PPP6R3: variants seen among roughly 807,000 people sequenced by gnomAD.
The protein encoded by PPP6R3 is protein phosphatase 6 regulatory subunit 3.
PPP6R3 carries 38 observed loss-of-function variants against 110.7 expected under a neutral mutation model. The ratio of observed to expected loss-of-function variants is 0.34; its 90% CI spans 0.26 to 0.45. The LOEUF is 0.45. Ranked by LOEUF, PPP6R3 falls within the 20% of genes least tolerant of loss-of-function variation. PPP6R3 has a pLI of 1.00. For synonymous variants in PPP6R3, 369 were observed against 373.5 expected (o/e 0.99, Z 0.14); for missense variants, 870 against 1,062.4 (o/e 0.82, Z 2.52).
intron 1 of PPP6R3, among the ~76,000 whole-genome samples, chr11:68,506,954 C>T (rs1396971103): frequency 6.6e-6 from 1 of 152,172 alleles, no homozygotes; most frequent in Non-Finnish European, 1.5e-5. Flanking sequence ...TGCTGTGCGT[C>T]CCTGCCCACT....
chr11:68,595,610 C>T (rs777591748), intron 18 of PPP6R3, among the ~76,000 whole-genome samples: 28 of 152,114 alleles, frequency 1.8e-4, no homozygotes, highest in Non-Finnish European at 3.1e-4. Flanking sequence ...ACAAACCATG[C>T]ACTGGGAGAA....
intron 6 of PPP6R3, among the ~76,000 whole-genome samples, chr11:68,553,743 A>G (rs1177729140): frequency 1.3e-5 from 2 of 152,066 alleles, no homozygotes; most frequent in South Asian, 4.1e-4. Context: ...ATTTTGGAAT[A>G]CCTGTATTTG....
intron 10 of PPP6R3, among the ~76,000 whole-genome samples, chr11:68,568,841 T>C (rs1050491058): frequency 6.6e-6 from 1 of 151,916 alleles, no homozygotes; most frequent in African/African-American, 2.4e-5. Context: ...CTTGGCTCAC[T>C]GCAAGCTCCG....
At chr11:68,550,232 C>T (rs994644718) in intron 5 of PPP6R3, among the ~76,000 whole-genome samples, 5 of 152,130 alleles carry the variant, frequency 3.3e-5, no homozygotes, top group African/African-American at 1.2e-4. Flanking sequence ...TGGTGCCTAC[C>T]TAATAGCTTC....
At position 68,603,397 on chromosome 11, in the gene PPP6R3, T is replaced by TACA. The variant is rs2099637901; in HGVS notation, c.2356_2358dup (p.Thr786dup). On this transcript the variant is annotated inframe_insertion, in exon 22 of 24. Transcript: ENST00000393800. ...CTGACGGAGAGGAGGATGCAGAAAG[T>TACA]ACAGACAAGGTAACTGAGACAGTGA... 6.2e-7 allele frequency: 1 copy of TACA among 1,613,758 alleles called. No individual in the cohort carries two copies. Among genetic ancestry groups the TACA allele is most frequent in the African/African-American group, 1.3e-5 (1 of 74,844 alleles).
chr11:68,541,055 T>A (rs984169384), intron 3 of PPP6R3, among the ~76,000 whole-genome samples: 17 of 152,190 alleles, frequency 1.1e-4, no homozygotes, highest in Non-Finnish European at 2.4e-4. Context: ...GGGTATTGAT[T>A]TGGGGAGGTG....
chr11:68,543,760 C>G (rs1006985604), intron 3 of PPP6R3, among the ~76,000 whole-genome samples: 1 of 152,182 alleles, frequency 6.6e-6, no homozygotes, highest in Non-Finnish European at 1.5e-5. Flanking sequence ...AGTGTAAGAG[C>G]AGAGTAATTC....
In PPP6R3 at chr11:68,461,676, C is replaced by T. The variant is rs561617534; in HGVS notation, c.-158+849C>T. On this transcript the variant is annotated intron_variant, in intron 1 of 23. Coordinates refer to ENST00000393800, the MANE Select transcript of PPP6R3 (RefSeq NM_001164161.2). ...TACCTCCGTGCCCTGACGTTTCAAC[C>T]GCGTGACTTAATGTCATTTTCCTGG... 1.2e-4 allele frequency among the ~76,000 whole-genome samples: 18 copies of T among 152,128 alleles called. No homozygotes were observed. The South Asian group carries it at 3.7e-3, about 32-fold the overall frequency.
chr11:68,483,804 T>C (rs1265253859), intron 1 of PPP6R3, among the ~76,000 whole-genome samples: 2 of 152,162 alleles, frequency 1.3e-5, no homozygotes, highest in Admixed American at 6.6e-5. Flanking sequence ...TTTTGAAAAA[T>C]GTATAAGGAC....
intron 7 of PPP6R3, 55 bp from the exon 8 acceptor site, chr11:68,558,511 A>G: frequency 4.6e-6 from 5 of 1,094,002 alleles, no homozygotes; most frequent in Non-Finnish European, 2.7e-6. Context: ...TTTTTTTCTG[A>G]GGTTGTTGGT....
chr11:68,563,957 G>A (rs2099442632), intron 8 of PPP6R3, among the ~76,000 whole-genome samples: 1 of 152,146 alleles, frequency 6.6e-6, no homozygotes, highest in Admixed American at 6.5e-5. Flanking sequence ...GGCAATTTGG[G>A]GTGCCCTATA....
chr11:68,485,029 CTCT>C (rs1245487374), intron 1 of PPP6R3, among the ~76,000 whole-genome samples: 1 of 152,212 alleles, frequency 6.6e-6, no homozygotes, highest in Admixed American at 6.5e-5. Flanking sequence ...CATGGAATAT[CTCT>C]TCATTTGTTT....
chr11:68,560,299 G>C (rs1347349039), intron 8 of PPP6R3, among the ~76,000 whole-genome samples: 1 of 152,156 alleles, frequency 6.6e-6, no homozygotes, highest in African/African-American at 2.4e-5. Flanking sequence ...CAATAAAATT[G>C]ATAAACTTCC....
At chr11:68,520,697 GGAT>G (rs2153575242) in intron 2 of PPP6R3, among the ~76,000 whole-genome samples, 1 of 152,208 alleles carries the variant, frequency 6.6e-6, no homozygotes, top group South Asian at 2.1e-4. Context: ...ATATTCTTCC[GGAT>G]GAATCCCATG....
At chr11:68,591,844 C>A in intron 18 of PPP6R3, 138 bp downstream of exon 18, 1 of 1,098,210 alleles carries the variant, frequency 9.1e-7, no homozygotes, top group Non-Finnish European at 1.2e-6. Flanking sequence ...GCCAGAAATG[C>A]CCTTGTTGGC....
intron 6 of PPP6R3, among the ~76,000 whole-genome samples, chr11:68,552,222 TCA>T (rs1235903841): frequency 6.6e-6 from 1 of 152,230 alleles, no homozygotes; most frequent in African/African-American, 2.4e-5. Context: ...TAAGGGCAAT[TCA>T]AAGTTTGTCC....
At chr11:68,513,135 T>G (rs1043574421) in intron 1 of PPP6R3, among the ~76,000 whole-genome samples, 3 of 152,100 alleles carry the variant, frequency 2.0e-5, no homozygotes, top group African/African-American at 7.2e-5. Flanking sequence ...TCAGGCCCTT[T>G]GGACTTGGAT....
chr11:68,609,799 C>T (rs542884890), intron 22 of PPP6R3, 105 bp from the exon 23 acceptor site: 14 of 1,577,214 alleles, frequency 8.9e-6, no homozygotes, highest in Middle Eastern at 1.7e-4. Context: ...GCTTTGCCTC[C>T]GCGGCAGTCA....
intron 1 of PPP6R3, among the ~76,000 whole-genome samples, chr11:68,486,784 A>T (rs1372923944): frequency 1.3e-5 from 2 of 152,192 alleles, no homozygotes; most frequent in Middle Eastern, 3.4e-3. Flanking sequence ...ATAGGCCCTT[A>T]AGATTATCTC....
Sources: allele counts gnomAD v4.1 joint callset (sites outside exome capture counted in the v4.1 genomes callset), GRCh38; gene constraint gnomAD v4.1.1; transcripts MANE v1.5; gene names NCBI Gene and HGNC (gene_info 2026-07-23, HGNC 2026-07-21).